The following SLC9A4 variants were observed in gnomAD, a reference collection of about 807,000 sequenced individuals.
SLC9A4 encodes the protein solute carrier family 9 member A4.
Under a neutral mutation model 67.4 loss-of-function variants are expected in SLC9A4, and 63 were observed. That is an observed-to-expected ratio of 0.93 (90% CI 0.76 to 1.15). The LOEUF is 1.15. SLC9A4 is among the 50% of genes most tolerant of loss of function. SLC9A4 has a pLI of 0.00. For missense variants in SLC9A4, 1,089 were observed against 987.7 expected (o/e 1.10, Z -1.38); for synonymous variants, 393 against 367.2 (o/e 1.07, Z -0.80).
chr2:102,524,775 C>T (rs2104448368), intron 9 of SLC9A4, among the ~76,000 whole-genome samples: 1 of 152,244 alleles, frequency 6.6e-6, no homozygotes, highest in Non-Finnish European at 1.5e-5. Flanking sequence ...AGAGAAAGAC[C>T]TCTGTAAGGG....
intron 2 of SLC9A4, among the ~76,000 whole-genome samples, chr2:102,498,157 C>T (rs145258508): frequency 6.6e-6 from 1 of 152,342 alleles, no homozygotes; most frequent in East Asian, 1.9e-4. Flanking sequence ...GACACACACA[C>T]ATTATTGTGA....
At chr2:102,491,373 C>T (rs975086299) in intron 2 of SLC9A4, among the ~76,000 whole-genome samples, 8 of 118,914 alleles carry the variant, frequency 6.7e-5, no homozygotes, top group South Asian at 2.8e-4. Flanking sequence ...AAGAAATACC[C>T]GAGACTGGGT....
At chr2:102,524,719 GA>G (rs1246809414) in intron 9 of SLC9A4, among the ~76,000 whole-genome samples, 1 of 152,138 alleles carries the variant, frequency 6.6e-6, no homozygotes, top group Non-Finnish European at 1.5e-5. Flanking sequence ...ACATGACCTG[GA>G]AAGGAAAGTG....
chr2:102,532,829 G>C lies in SLC9A4; in HGVS notation c.*141G>C, dbSNP rs2104454109. 1.1e-6 allele frequency: 1 copy of C among 936,434 alleles called. No individual in the cohort carries two copies. The allele number at this position is 936,434 out of a possible 1,614,324, so 58.0% of individuals were successfully genotyped here. On this transcript the variant is annotated 3_prime_UTR_variant, in exon 12 of 12. Transcript: ENST00000295269. ...TTAAACATGGATCTATAAGCAGCAG[G>C]AAGATTTTTTCCAAGGACTGGGAGC... is the stretch of plus-strand genomic sequence containing the variant.
chr2:102,508,857 T>C lies in SLC9A4; in HGVS notation c.1412T>C (p.Val471Ala). 1 of 1,612,818 alleles carries C rather than the reference T, an allele frequency of 6.2e-7. No homozygotes were observed. The change falls in exon 6 of 12, where the codon GTT becomes GCT. Residue 471 changes from valine to alanine, a missense_variant. By Grantham distance (64) the Val-to-Ala change is moderately conservative (BLOSUM62 0). Transcript: ENST00000295269. ...YFTVFIQGIT[V>A]GPLVRYLDVK... The stretch of plus-strand genomic sequence containing the variant: ...TTATTTCTGATCTAGGGAATCACAG[T>C]TGGCCCTCTGGTCAGGTACCTGGAT...
chr2:102,499,151 C>T (rs1458929300), intron 2 of SLC9A4, among the ~76,000 whole-genome samples: 1 of 152,134 alleles, frequency 6.6e-6, no homozygotes, highest in East Asian at 1.9e-4. Flanking sequence ...AGGAAGGGGC[C>T]TATCTCAGTG....
chr2:102,515,112 A>G (rs925130465), intron 8 of SLC9A4, among the ~76,000 whole-genome samples: 2 of 152,132 alleles, frequency 1.3e-5, no homozygotes, highest in Non-Finnish European at 2.9e-5. Flanking sequence ...TAATCACAAC[A>G]TATATTTAGG....
chr2:102,532,227 G>A lies in SLC9A4; in HGVS notation c.2039-103G>A, dbSNP rs1674791333. On this transcript the variant is annotated intron_variant, in intron 11 of 11. Coordinates refer to ENST00000295269, the MANE Select transcript of SLC9A4 (RefSeq NM_001011552.4). ...AGTTGAGTGTAGAGCTGAAACCTCA[G>A]GAAGAGCTTTGCTTCACTCTGAGTT... is the stretch of plus-strand genomic sequence containing the variant. 3 of 1,308,370 alleles carry A rather than the reference G, an allele frequency of 2.3e-6. No individual in the cohort carries two copies. In the African/African-American group the frequency reaches 4.4e-5, roughly 19 times the overall value. 81.0% of individuals were successfully genotyped at this position (1,308,370 alleles called of 1,614,324 possible). A position where few individuals can be genotyped will look rare whatever the true frequency, so the allele number is the denominator to read the frequency against.
At chr2:102,502,020 C>T (rs549883362) in intron 2 of SLC9A4, among the ~76,000 whole-genome samples, 181 of 152,246 alleles carry the variant, frequency 1.2e-3, no homozygotes, top group Non-Finnish European at 2.2e-3. Flanking sequence ...AATACCATCA[C>T]GGCCACGATT....
At chr2:102,530,555 A>G (rs1345804108) in intron 11 of SLC9A4, among the ~76,000 whole-genome samples, 1 of 152,222 alleles carries the variant, frequency 6.6e-6, no homozygotes, top group Non-Finnish European at 1.5e-5. Context: ...CCACTGTAAA[A>G]TAACCCAGAG....
chr2:102,502,283 C>T (rs371296315), intron 2 of SLC9A4, among the ~76,000 whole-genome samples: 1 of 151,964 alleles, frequency 6.6e-6, no homozygotes, highest in East Asian at 1.9e-4. Context: ...TAAGTAGATC[C>T]CTGCAGCTTC....
intron 7 of SLC9A4, 38 bp downstream of exon 7, chr2:102,512,311 T>C: frequency 6.3e-7 from 1 of 1,599,430 alleles, no homozygotes; most frequent in Admixed American, 1.7e-5. Context: ...GACAAACTTC[T>C]AAAGGTTCCA....
intron 10 of SLC9A4, 131 bp downstream of exon 10, chr2:102,525,286 C>A: frequency 7.2e-7 from 1 of 1,391,782 alleles, no homozygotes; most frequent in South Asian, 1.4e-5. Context: ...ACCTTGTTAC[C>A]TGAGAGATAC....
chr2:102,514,116 T>C lies in SLC9A4; in HGVS notation c.1586T>C (p.Leu529Ser). 6.2e-7 allele frequency: 1 copy of C among 1,613,198 alleles called. No individual in the cohort carries two copies. Among genetic ancestry groups the C allele is most frequent in the South Asian group, 1.1e-5 (1 of 90,764 alleles). The change falls in exon 8 of 12, where the codon TTA becomes TCA. Residue 529 changes from leucine (L) to serine (S), a missense_variant. By Grantham distance (145) the Leu-to-Ser change is moderately radical. Transcript: ENST00000295269. ...TTTAAGAAGTTTGATCATAGATACT[T>C]ACGGAAAATCCTCATCAGAAAGAAC... ...DKFKKFDHRY[L>S]RKILIRKNLP...
rs150514006 is a variant in SLC9A4 at position 102,489,848 on chromosome 2, T to C, written c.720+10546T>C. 5.2e-3 allele frequency among the ~76,000 whole-genome samples: 787 copies of C among 152,340 alleles called. 10 individuals are homozygous for C. The highest frequency in any genetic ancestry group is 0.018 in the African/African-American group (740 of 41,574). On this transcript the variant is annotated intron_variant, in intron 2 of 11. Transcript: ENST00000295269. ...TGCAAGCTTGCTAGGTAATTGCTGG[T>C]CTTCTTAGTTGGTTTCCTTTTGTGG...
In SLC9A4 at chr2:102,478,904, G is replaced by T; in HGVS notation, c.322G>T (p.Ala108Ser). 1 of 1,614,158 alleles carries T rather than the reference G, an allele frequency of 6.2e-7. No homozygotes were observed. The highest frequency in any genetic ancestry group is 1.7e-5 in the Admixed American group (1 of 60,036). ...PESCLLILVG[A>S]LVGGIIFGTD... is the part of the protein sequence containing the mutation. The stretch of plus-strand genomic sequence containing the variant: ...AAGCTGCCTCCTCATCCTGGTGGGG[G>T]CGCTGGTGGGCGGCATCATCTTCGG... Residue 108 changes from alanine to serine, a missense_variant, in exon 2 of 12, where the codon GCG (alanine) becomes TCG (serine). Transcript: ENST00000295269.
chr2:102,524,557 TGTG>T (rs1674617774), intron 9 of SLC9A4, among the ~76,000 whole-genome samples: 1 of 7,516 alleles, frequency 1.3e-4, no homozygotes, highest in South Asian at 1.9e-3. Context: ...TGATAGGAAT[TGTG>T]TGTGTGTGTG....
intron 2 of SLC9A4, among the ~76,000 whole-genome samples, chr2:102,494,130 A>G (rs188372885): frequency 6.6e-6 from 1 of 152,098 alleles, no homozygotes; most frequent in Admixed American, 6.5e-5. Context: ...GGCCTCAGCT[A>G]TCAGTGTCAT....
Position 102,530,061 on chromosome 2 carries a change from T to C in SLC9A4, c.2039-2269T>C, listed in dbSNP as rs534252536. Among the ~76,000 whole-genome samples, 15 of 152,272 alleles carry C rather than the reference T, an allele frequency of 9.9e-5. 1 individual carries two copies. Among genetic ancestry groups the C allele is most frequent in the South Asian group, 6.2e-4 (3 of 4,828 alleles). On this transcript the variant is annotated intron_variant, in intron 11 of 11. Coordinates refer to ENST00000295269, the MANE Select transcript of SLC9A4 (RefSeq NM_001011552.4). ...ATGCAATGAACTGTACACTTATTTA[T>C]AGTTAGATGAAAAAAATGGTTAAAA...
Sources: allele counts gnomAD v4.1 joint callset (sites outside exome capture counted in the v4.1 genomes callset), GRCh38; gene constraint gnomAD v4.1.1; transcripts MANE v1.5; gene names NCBI Gene and HGNC (gene_info 2026-07-23, HGNC 2026-07-21).